ANKS1B: variants seen among roughly 807,000 people sequenced by gnomAD.
The protein encoded by ANKS1B is ankyrin repeat and sterile alpha motif domain-containing protein 1B.
ANKS1B carries 36 observed loss-of-function variants against 148.3 expected under a neutral mutation model. The ratio of observed to expected loss-of-function variants is 0.24; its 90% CI spans 0.19 to 0.32. The LOEUF (loss-of-function observed/expected upper bound fraction) is 0.32, where lower values mean the gene tolerates loss of function less well. Ranked by LOEUF, ANKS1B falls within the 10% of genes least tolerant of loss-of-function variation. The pLI, the probability that ANKS1B is intolerant of heterozygous loss-of-function variation, is 1.00. For synonymous variants in ANKS1B, 542 were observed against 560.8 expected (o/e 0.97, Z 0.47); for missense variants, 1,157 against 1,542.6 (o/e 0.75, Z 4.19).
chr12:99,936,139 T>C (rs1021268243), intron 1 of ANKS1B, among the ~76,000 whole-genome samples: 1 of 152,044 alleles, frequency 6.6e-6, no homozygotes, highest in Non-Finnish European at 1.5e-5. Context: ...CCTGGATGTA[T>C]GGGGATTATG....
chr12:99,131,118 T>C (rs10735363), intron 15 of ANKS1B, among the ~76,000 whole-genome samples: 96,355 of 152,006 alleles, frequency 0.63, 30,951 homozygotes, highest in East Asian at 0.75. Flanking sequence ...AGTGGCTGTT[T>C]GTTGCCTACT....
At chr12:99,270,287 A>G (rs965232771) in intron 12 of ANKS1B, among the ~76,000 whole-genome samples, 2 of 152,142 alleles carry the variant, frequency 1.3e-5, no homozygotes, top group Non-Finnish European at 2.9e-5. Flanking sequence ...TTTTCTCATT[A>G]TGAGAGCTCA....
chr12:99,930,390 G>A (rs1428959865), intron 1 of ANKS1B, among the ~76,000 whole-genome samples: 1 of 152,176 alleles, frequency 6.6e-6, no homozygotes, highest in Non-Finnish European at 1.5e-5. Flanking sequence ...AGCTTGAGGA[G>A]ATTTTGGGCT....
intron 19 of ANKS1B, among the ~76,000 whole-genome samples, chr12:98,818,746 A>G (rs981321369): frequency 1.3e-5 from 2 of 152,198 alleles, no homozygotes; most frequent in Non-Finnish European, 2.9e-5. Flanking sequence ...TATACATTAT[A>G]TTCCTTTCTT....
chr12:99,882,252 TA>T (rs35061153), intron 1 of ANKS1B, among the ~76,000 whole-genome samples: 142,418 of 152,208 alleles, frequency 0.94, 66,723 homozygotes, highest in East Asian at 1. Flanking sequence ...AAAAAATAAA[TA>T]AGAGCCTCAG....
intron 15 of ANKS1B, among the ~76,000 whole-genome samples, chr12:99,112,659 T>A (rs1566154913): frequency 1.3e-5 from 2 of 152,122 alleles, no homozygotes; most frequent in Admixed American, 6.6e-5. Context: ...CATAAATGCT[T>A]GTTGCTTGTT....
At chr12:99,896,608 C>T (rs778814874) in intron 1 of ANKS1B, among the ~76,000 whole-genome samples, 2 of 151,004 alleles carry the variant, frequency 1.3e-5, no homozygotes, top group Admixed American at 6.6e-5. Context: ...CCAAAAGAAC[C>T]GCCCATGACC....
Position 99,429,140 on chromosome 12 carries a change from GAGAAACAA to G in ANKS1B, c.1575+14525_1575+14532del, listed in dbSNP as rs772838411. On this transcript the variant is annotated intron_variant, in intron 11 of 26. Coordinates refer to ENST00000683438, the MANE Select transcript of ANKS1B (RefSeq NM_001352186.2). ...CCACAAATGTATACACATTTCAGAAGAGAAACAAACAAACAAACAAACAAACAAACGAA... is the reference window on the plus strand; with the variant it reads ...CCACAAATGTATACACATTTCAGAAGACAAACAAACAAACAAACAAACGAA... Among the ~76,000 whole-genome samples the G allele has an allele frequency of 4.6e-5, 7 of 151,654 alleles. No homozygotes were observed. In the South Asian group the frequency reaches 8.3e-4, roughly 18 times the overall value.
At chr12:99,329,182 A>G (rs2087028923) in intron 12 of ANKS1B, among the ~76,000 whole-genome samples, 1 of 151,958 alleles carries the variant, frequency 6.6e-6, no homozygotes, top group Non-Finnish European at 1.5e-5. Flanking sequence ...ATATTTGAAG[A>G]GATAATAGCT....
At chr12:99,700,489 G>C (rs146302286) in intron 8 of ANKS1B, among the ~76,000 whole-genome samples, 81 of 152,242 alleles carry the variant, frequency 5.3e-4, no homozygotes, top group Non-Finnish European at 9.1e-4. Flanking sequence ...TTTGCAGTTT[G>C]AGGTGCAACA....
intron 17 of ANKS1B, among the ~76,000 whole-genome samples, chr12:99,011,181 C>T (rs2099939186): frequency 6.6e-6 from 1 of 152,078 alleles, no homozygotes; most frequent in Non-Finnish European, 1.5e-5. Context: ...TGAGCAGGCT[C>T]ATAGAGGAAA....
intron 12 of ANKS1B, among the ~76,000 whole-genome samples, chr12:99,261,176 C>T (rs1224722301): frequency 6.6e-6 from 1 of 152,106 alleles, no homozygotes; most frequent in Non-Finnish European, 1.5e-5. Flanking sequence ...ACCGAATAGC[C>T]CTTAACAATA....
intron 14 of ANKS1B, among the ~76,000 whole-genome samples, chr12:99,197,064 G>A (rs907169778): frequency 2.3e-4 from 35 of 152,068 alleles, no homozygotes; most frequent in Admixed American, 2.3e-3. Flanking sequence ...TTGACTAACA[G>A]TACCACACCT....
At chr12:99,077,539 G>C (rs1334330096) in intron 16 of ANKS1B, among the ~76,000 whole-genome samples, 2 of 152,298 alleles carry the variant, frequency 1.3e-5, no homozygotes, top group Admixed American at 6.5e-5. Context: ...TTTTCTAAGT[G>C]ACAGGGAAAT....
chr12:99,245,215 C>A (rs2090056458), intron 13 of ANKS1B, among the ~76,000 whole-genome samples: 2 of 152,098 alleles, frequency 1.3e-5, no homozygotes, highest in African/African-American at 2.4e-5. Context: ...CATCCAATCA[C>A]CAGCATCTAG....
chr12:99,789,341 C>A (rs2065358425), intron 4 of ANKS1B, among the ~76,000 whole-genome samples: 3 of 152,098 alleles, frequency 2.0e-5, no homozygotes, highest in Admixed American at 2.0e-4. Context: ...GAAAGTCTTC[C>A]TAAGAAGGAC....
In ANKS1B at chr12:99,251,854, G is replaced by C. The variant is rs192665002; in HGVS notation, c.1757-4990C>G. On this transcript the variant is annotated intron_variant, in intron 12 of 26. Coordinates refer to ENST00000683438, the MANE Select transcript of ANKS1B (RefSeq NM_001352186.2). ...GATACCGGGGCTGATGTTGATATTA[G>C]TAGAAACTGTGAATTTATTTCACAA... Among the ~76,000 whole-genome samples, 12 of 152,268 alleles carry C rather than the reference G, an allele frequency of 7.9e-5. No individual in the cohort carries two copies. In the East Asian group the frequency reaches 2.3e-3, roughly 29 times the overall value.
At chr12:99,039,121 C>T (rs1299135603) in intron 17 of ANKS1B, among the ~76,000 whole-genome samples, 1 of 152,222 alleles carries the variant, frequency 6.6e-6, no homozygotes, top group Non-Finnish European at 1.5e-5. Flanking sequence ...ACTACATATA[C>T]TTCTTCATAT....
intron 17 of ANKS1B, among the ~76,000 whole-genome samples, chr12:99,052,081 A>T (rs1404629676): frequency 1.3e-5 from 2 of 152,242 alleles, no homozygotes; most frequent in African/African-American, 4.8e-5. Context: ...TCTCATTGTT[A>T]CTGTTAAAAA....
Sources: gnomAD v4.1 joint callset for allele counts (sites outside exome capture counted in the v4.1 genomes callset) on GRCh38, gnomAD v4.1.1 for gene constraint, MANE v1.5 for transcripts, NCBI Gene and HGNC (gene_info 2026-07-23, HGNC 2026-07-21) for gene names.